Variants in SEC14L2 observed in about 807,000 individuals in gnomAD.
SEC14L2 encodes SEC14-like protein 2.
Under a neutral mutation model 56.9 loss-of-function variants are expected in SEC14L2, and 50 were observed. The ratio of observed to expected loss-of-function variants is 0.88; its 90% confidence interval spans 0.70 to 1.11. SEC14L2 has a LOEUF of 1.11. Ranked by LOEUF, SEC14L2 falls within the 50% of genes most tolerant of loss-of-function variation. SEC14L2 has a pLI of 0.00. For synonymous variants in SEC14L2, 179 were observed against 188.5 expected (o/e 0.95, Z 0.41); for missense variants, 414 against 500.7 (o/e 0.83, Z 1.65).
chr22:30,397,884 T>C (rs1199895359), intron 1 of SEC14L2: 1 of 471,114 alleles, frequency 2.1e-6, no homozygotes, highest in Non-Finnish European at 4.4e-6. Flanking sequence ...AGCCTGGCTT[T>C]GCCTTGGCAT....
At chr22:30,410,717 T>C (rs1210170732) in intron 8 of SEC14L2, 38 bp downstream of exon 8, 4 of 1,584,616 alleles carry the variant, frequency 2.5e-6, no homozygotes, top group Non-Finnish European at 3.5e-6. Context: ...CAAAGGAGGG[T>C]CTGTAGCCTA....
chr22:30,407,509 G>T lies in SEC14L2; in HGVS notation c.329G>T (p.Gly110Val). 1 of 1,614,148 alleles carries T rather than the reference G, an allele frequency of 6.2e-7. No homozygotes were observed. ...ATAATTGGACCTCTGGATGCCAAGG[G>T]TCTGCTGTTCTCAGCCTCCAAACAG... ...YDIIGPLDAK[G>V]LLFSASKQDL... The change falls in exon 5 of 12, where the codon GGT becomes GTT. Residue 110 changes from glycine to valine, a missense_variant. By Grantham distance (109) the Gly-to-Val change is moderately radical. Transcript: ENST00000615189.
intron 11 of SEC14L2, among the ~76,000 whole-genome samples, chr22:30,419,593 TG>T (rs955938612): frequency 1.3e-5 from 2 of 152,202 alleles, no homozygotes; most frequent in Non-Finnish European, 2.9e-5. Flanking sequence ...CAGATCTTAA[TG>T]TGGGGTCCCC....
At chr22:30,405,149 A>C (rs546990116) in intron 2 of SEC14L2, among the ~76,000 whole-genome samples, 1 of 152,160 alleles carries the variant, frequency 6.6e-6, no homozygotes, top group East Asian at 1.9e-4. Flanking sequence ...GCACACTCTG[A>C]GGGGGCTCTG....
intron 4 of SEC14L2, 28 bp from the exon 5 acceptor site, chr22:30,407,387 C>T (rs201669520): frequency 7.6e-5 from 122 of 1,606,624 alleles, no homozygotes; most frequent in Middle Eastern, 3.5e-4. Flanking sequence ...GCCTGCTGAC[C>T]AGGTGGCTCC....
chr22:30,400,067 C>G (rs1216212793), intron 2 of SEC14L2, among the ~76,000 whole-genome samples: 1 of 152,240 alleles, frequency 6.6e-6, no homozygotes, highest in Non-Finnish European at 1.5e-5. Context: ...GTGAGAAAGG[C>G]CCCAGCCATG....
chr22:30,405,878 G>T (rs1024130179), intron 2 of SEC14L2, among the ~76,000 whole-genome samples: 15 of 151,752 alleles, frequency 9.9e-5, no homozygotes, highest in Non-Finnish European at 4.4e-5. Context: ...TTGTTTTTTT[G>T]GAGAGACGAG....
Position 30,410,655 on chromosome 22 carries a change from C to G in SEC14L2, c.640C>G (p.Arg214Gly), listed in dbSNP as rs774561358. ...LIKPFLSEDT[R>G]KKIMVLGANW... ...CAAACCCTTCCTGAGTGAGGACACT[C>G]GTAAGAAGATCATGGTCCTGGGAGG... Residue 214 changes from arginine (R) to glycine (G), a missense_variant, in exon 8 of 12, where the codon CGT becomes GGT. Transcript: ENST00000615189. 19 of 1,614,004 alleles carry G rather than the reference C, an allele frequency of 1.2e-5. No individual in the cohort carries two copies. Among genetic ancestry groups the G allele is most frequent in the Non-Finnish European group, 1.5e-5 (18 of 1,179,982 alleles).
At chr22:30,416,996 C>A in intron 11 of SEC14L2, 2 of 363,252 alleles carry the variant, frequency 5.5e-6, no homozygotes, top group Non-Finnish European at 7.7e-6. Context: ...GAAAATTTAT[C>A]CTACAGAAAT....
intron 11 of SEC14L2, among the ~76,000 whole-genome samples, chr22:30,420,119 A>C (rs1934478797): frequency 6.6e-6 from 1 of 151,846 alleles, no homozygotes. Context: ...ACGCCTGGCT[A>C]ATTTTGTATT....
intron 7 of SEC14L2, among the ~76,000 whole-genome samples, chr22:30,410,309 C>G (rs998270223): frequency 6.6e-6 from 1 of 152,254 alleles, no homozygotes; most frequent in Non-Finnish European, 1.5e-5. Context: ...ACGCAGACTA[C>G]TTTACAACTC....
chr22:30,417,459 A>G (rs1373195091), intron 11 of SEC14L2, among the ~76,000 whole-genome samples: 1 of 152,218 alleles, frequency 6.6e-6, no homozygotes, highest in Non-Finnish European at 1.5e-5. Context: ...AATCAATCAG[A>G]GCAAAGGCTT....
rs373326865 is a variant in SEC14L2 at position 30,401,282 on chromosome 22, T to C, written c.130+1564T>C. 1.2e-4 allele frequency among the ~76,000 whole-genome samples: 18 copies of C among 151,530 alleles called. No individual in the cohort carries two copies. The East Asian group carries it at 1.9e-3, about 16-fold the overall frequency. ...TGGAGTGCAATGGTGCAGTCTCGGC[T>C]CACTGCCACCTCCACCTCCCAGGTT... On this transcript the variant is annotated intron_variant, in intron 2 of 11. Transcript: ENST00000615189.
Position 30,412,562 on chromosome 22 carries a change from C to G in SEC14L2, c.664+1883C>G, listed in dbSNP as rs555200630. Among the ~76,000 whole-genome samples the G allele has an allele frequency of 2.0e-5, 3 of 152,072 alleles. No individual in the cohort carries two copies. In the South Asian group the frequency reaches 6.2e-4, roughly 32 times the overall value. ...GCGCAGTGGCTCAGGCCCATAATCCCAAACACTTTGTGAGTGTTTGGGAGG... is the reference window on the plus strand; with the variant it reads ...GCGCAGTGGCTCAGGCCCATAATCCGAAACACTTTGTGAGTGTTTGGGAGG... On this transcript the variant is annotated intron_variant, in intron 8 of 11. Transcript: ENST00000615189.
chr22:30,407,175 C>T (rs147333907), intron 4 of SEC14L2, 21 bp downstream of exon 4: 3 of 1,613,476 alleles, frequency 1.9e-6, no homozygotes, highest in African/African-American at 2.7e-5. Flanking sequence ...ATTATCCCAC[C>T]TCATCCCTAT....
At chr22:30,415,377 G>A (rs1476540499) in intron 8 of SEC14L2, among the ~76,000 whole-genome samples, 1 of 152,200 alleles carries the variant, frequency 6.6e-6, no homozygotes, top group Non-Finnish European at 1.5e-5. Context: ...AGGTTGCAGT[G>A]ATCCAAGATT....
chr22:30,408,707 G>C (rs1352850754), intron 5 of SEC14L2, among the ~76,000 whole-genome samples: 1 of 152,230 alleles, frequency 6.6e-6, no homozygotes, highest in South Asian at 2.1e-4. Context: ...ATGTCATAAA[G>C]TCTAGGAACA....
intron 8 of SEC14L2, among the ~76,000 whole-genome samples, chr22:30,412,918 A>G (rs1428537620): frequency 6.6e-6 from 1 of 152,140 alleles, no homozygotes; most frequent in African/African-American, 2.4e-5. Context: ...TGTAGGAAGT[A>G]AGGGAGAAAG....
At position 30,424,598 on chromosome 22, in the gene SEC14L2, C is replaced by T. The variant is rs1211391918; in HGVS notation, c.*2191C>T. 1 of 408,022 alleles carries T rather than the reference C, an allele frequency of 2.5e-6. No homozygotes were observed. The highest frequency in any genetic ancestry group is 4.9e-6 in the Non-Finnish European group (1 of 205,792). The allele number at this position is 408,022 out of a possible 1,614,324, so 25.3% of individuals were successfully genotyped here. On this transcript the variant is annotated 3_prime_UTR_variant, in exon 12 of 12. Coordinates refer to ENST00000615189, the MANE Select transcript of SEC14L2 (RefSeq NM_012429.5). ...GTTGCAAAGATTAAAGGAAATAAGC[C>T]GTGCAAAGCGCTTAAGAGCTTGGTA...
Sources: allele counts gnomAD v4.1 joint callset (sites outside exome capture counted in the v4.1 genomes callset), GRCh38; gene constraint gnomAD v4.1.1; transcripts MANE v1.5; gene names NCBI Gene and HGNC (gene_info 2026-07-23, HGNC 2026-07-21).